The following RPGRIP1 variants were observed in gnomAD, a reference collection of about 807,000 sequenced individuals.
RPGRIP1 encodes X-linked retinitis pigmentosa GTPase regulator-interacting protein 1.
In RPGRIP1, 128 loss-of-function variants were observed where a neutral mutation model predicts 157.9. That is an observed-to-expected ratio of 0.81 (90% CI 0.70 to 0.94). The LOEUF (loss-of-function observed/expected upper bound fraction) is 0.94, where lower values mean the gene tolerates loss of function less well. RPGRIP1 is among the 40% of genes least tolerant of loss of function. The pLI is 0.00. For synonymous variants in RPGRIP1, 554 were observed against 571.6 expected, an observed-to-expected ratio of 0.97 and a Z score of 0.44; for missense variants, 1,486 against 1,545.8, an observed-to-expected ratio of 0.96 and a Z score of 0.65.
Position 21,321,959 on chromosome 14 carries a change from A to T in RPGRIP1, c.1717A>T (p.Lys573Ter), listed in dbSNP as rs1357433663. The T allele has an allele frequency of 6.2e-7, 1 of 1,613,850 alleles. No individual in the cohort carries two copies. The highest frequency in any genetic ancestry group is 8.5e-7 in the Non-Finnish European group (1 of 1,179,838). The change falls in exon 14 of 25, where the codon AAG becomes TAG. Residue 573 changes from lysine to a stop codon, truncating the protein, a stop_gained. Transcript: ENST00000400017. LOFTEE classifies it high-confidence loss of function. ...RLLDLKNNRI[K>*]QLEGILRSHD... Reference sequence around the variant, plus strand: ...ACTAGACCTCAAGAATAACCGTATCAAGCAGCTGGAAGGTATTTTAAGAAG... The same window carrying T: ...ACTAGACCTCAAGAATAACCGTATCTAGCAGCTGGAAGGTATTTTAAGAAG...
chr14:21,314,975 G>T (rs1881708883), intron 10 of RPGRIP1, among the ~76,000 whole-genome samples: 1 of 151,662 alleles, frequency 6.6e-6, no homozygotes, highest in African/African-American at 2.4e-5. Flanking sequence ...AGTGAGCTGA[G>T]ATTGCACCAC....
chr14:21,304,341 A>AGGAG (rs367852465), intron 6 of RPGRIP1, among the ~76,000 whole-genome samples: 10 of 141,464 alleles, frequency 7.1e-5, no homozygotes, highest in Non-Finnish European at 1.5e-4. Flanking sequence ...GAAAGAAGGA[A>AGGAG]GGAGGGAGGG....
At chr14:21,291,291 T>G (rs1276269390) in intron 2 of RPGRIP1, among the ~76,000 whole-genome samples, 1 of 152,156 alleles carries the variant, frequency 6.6e-6, no homozygotes, top group East Asian at 1.9e-4. Context: ...ACAAAGTCCA[T>G]GAAACATGAA....
intron 1 of RPGRIP1, among the ~76,000 whole-genome samples, chr14:21,283,457 T>C (rs1033607787): frequency 2.6e-5 from 4 of 151,810 alleles, no homozygotes; most frequent in Non-Finnish European, 5.9e-5. Context: ...CATGAGCCAC[T>C]ACACCCAGCT....
At chr14:21,349,389 T>C (rs1885924878) in intron 24 of RPGRIP1, among the ~76,000 whole-genome samples, 1 of 130,104 alleles carries the variant, frequency 7.7e-6, no homozygotes, top group African/African-American at 2.9e-5. Flanking sequence ...ATAATTACTA[T>C]AATTTCTTTC....
At chr14:21,345,845 T>C (rs1885512556) in intron 23 of RPGRIP1, among the ~76,000 whole-genome samples, 1 of 150,262 alleles carries the variant, frequency 6.7e-6, no homozygotes, top group Admixed American at 6.6e-5. Context: ...TTTGAGACAG[T>C]GTCTCACTCT....
At chr14:21,335,134 G>A (rs1884209113) in intron 21 of RPGRIP1, among the ~76,000 whole-genome samples, 1 of 151,244 alleles carries the variant, frequency 6.6e-6, no homozygotes, top group South Asian at 2.1e-4. Flanking sequence ...TAATGAAGCT[G>A]ATGGAAAATG....
At chr14:21,287,564 G>A (rs1245064885) in intron 1 of RPGRIP1, among the ~76,000 whole-genome samples, 1 of 152,150 alleles carries the variant, frequency 6.6e-6, no homozygotes, top group Non-Finnish European at 1.5e-5. Flanking sequence ...TCGGGGACTG[G>A]ATTGTAGGCT....
chr14:21,280,785 T>C (rs752002294), intron 1 of RPGRIP1, among the ~76,000 whole-genome samples: 2 of 152,046 alleles, frequency 1.3e-5, no homozygotes, highest in African/African-American at 2.4e-5. Flanking sequence ...AACACTGTTC[T>C]CTCCCCAATT....
intron 12 of RPGRIP1, among the ~76,000 whole-genome samples, chr14:21,320,963 A>T (rs2139206734): frequency 6.6e-6 from 1 of 152,158 alleles, no homozygotes; most frequent in Non-Finnish European, 1.5e-5. Flanking sequence ...AGCTCCACCC[A>T]TTTCTTCCAC....
At chr14:21,295,477 GA>G (rs1880730729) in intron 3 of RPGRIP1, among the ~76,000 whole-genome samples, 2 of 89,800 alleles carry the variant, frequency 2.2e-5, no homozygotes, top group African/African-American at 4.3e-5. Context: ...TTATTTTTGA[GA>G]TTTTTTTTTT....
chr14:21,311,336 A>C (rs4981370), intron 8 of RPGRIP1, among the ~76,000 whole-genome samples: 1 of 151,944 alleles, frequency 6.6e-6, no homozygotes, highest in Non-Finnish European at 1.5e-5. Flanking sequence ...TGGATGACCT[A>C]AGGTCAGGAG....
chr14:21,324,288 T>C lies in RPGRIP1; in HGVS notation c.1763-330T>C, dbSNP rs1198090540. 1.4e-4 allele frequency: 52 copies of C among 381,474 alleles called. 2 individuals carry two copies. Among genetic ancestry groups the C allele is most frequent in the South Asian group, 1.2e-3 (51 of 41,064 alleles). 23.6% of individuals were successfully genotyped at this position (381,474 alleles called of 1,614,324 possible). On this transcript the variant is annotated intron_variant, in intron 14 of 24. Transcript: ENST00000400017. ...GTTTCTAGTACTTCTCTTATGGAAT[T>C]ACCAGTTAATCATAGGGCCACGATG...
chr14:21,324,271 T>A, intron 14 of RPGRIP1: 3 of 357,408 alleles, frequency 8.4e-6, no homozygotes, highest in Admixed American at 4.4e-5. Context: ...GTGTTTCTAG[T>A]ACTTCTCTTA....
At position 21,324,748 on chromosome 14, in the gene RPGRIP1, C is replaced by T; in HGVS notation, c.1893C>T (p.His631=). Residue 631 remains histidine, a synonymous_variant, in exon 15 of 25, where the codon CAC becomes CAT. Coordinates refer to ENST00000400017, the MANE Select transcript of RPGRIP1 (RefSeq NM_020366.4). ...LHQGENLFEL[H]IHQAFLTSAA... Reference sequence around the variant, plus strand: ...AGGGTGAGAATCTTTTTGAACTGCACATCCACCAGGCCTTCCTGACATCTG... The same window carrying T: ...AGGGTGAGAATCTTTTTGAACTGCATATCCACCAGGCCTTCCTGACATCTG... The T allele has an allele frequency of 6.2e-7, 1 of 1,614,058 alleles. No homozygotes were observed. Among genetic ancestry groups the T allele is most frequent in the Non-Finnish European group, 8.5e-7 (1 of 1,179,904 alleles).
At chr14:21,347,915 C>T (rs904206721) in intron 23 of RPGRIP1, among the ~76,000 whole-genome samples, 4 of 151,848 alleles carry the variant, frequency 2.6e-5, no homozygotes, top group South Asian at 2.1e-4. Context: ...TTTGTAGAGA[C>T]GGGGTGTTCC....
intron 21 of RPGRIP1, among the ~76,000 whole-genome samples, chr14:21,338,741 T>C (rs184743419): frequency 6.6e-6 from 1 of 152,372 alleles, no homozygotes; most frequent in African/African-American, 2.4e-5. Context: ...TTGGATCAAA[T>C]TTTAATCTTA....
chr14:21,301,955 C>T (rs2139158145), intron 4 of RPGRIP1, among the ~76,000 whole-genome samples: 1 of 151,938 alleles, frequency 6.6e-6, no homozygotes, highest in Admixed American at 6.6e-5. Context: ...TTCTCATGGC[C>T]CTAAATCAGG....
intron 19 of RPGRIP1, among the ~76,000 whole-genome samples, chr14:21,329,080 G>T (rs1022745563): frequency 2.0e-5 from 3 of 149,616 alleles, no homozygotes; most frequent in African/African-American, 7.4e-5. Flanking sequence ...GGAGGTGGAG[G>T]TTGTGGTGAG....
Sources: allele counts gnomAD v4.1 joint callset (sites outside exome capture counted in the v4.1 genomes callset), GRCh38; gene constraint gnomAD v4.1.1; transcripts MANE v1.5; gene names NCBI Gene and HGNC (gene_info 2026-07-23, HGNC 2026-07-21).